Variants in SORL1 observed in about 807,000 individuals in gnomAD.
SORL1 encodes sortilin related receptor 1.
SORL1 carries 127 observed loss-of-function variants against 273.7 expected under a neutral mutation model. The observed-to-expected ratio is 0.46, with a 90% CI of 0.40 to 0.54. The LOEUF is 0.54. Among genes scored for constraint, SORL1 ranks in the 20% least tolerant of loss-of-function variants. SORL1 has a pLI of 0.00. For missense variants in SORL1, 2,494 were observed against 2,846.1 expected (o/e 0.88, Z 2.81); for synonymous variants, 1,031 against 1,067.4 (o/e 0.97, Z 0.66).
At chr11:121,621,356 C>T in intron 44 of SORL1, 118 bp downstream of exon 44, 2 of 880,962 alleles carry the variant, frequency 2.3e-6, no homozygotes, top group Non-Finnish European at 3.5e-6. Context: ...GCAAACGCTG[C>T]CCTTCAATAT....
At chr11:121,615,093 G>T in intron 41 of SORL1, 38 bp downstream of exon 41, 2 of 1,529,994 alleles carry the variant, frequency 1.3e-6, no homozygotes, top group Admixed American at 4.2e-5. Flanking sequence ...AGTGAGTGTG[G>T]ACTGTCCCCT....
At chr11:121,597,474 T>G (rs1293868986) in intron 32 of SORL1, among the ~76,000 whole-genome samples, 1 of 152,014 alleles carries the variant, frequency 6.6e-6, no homozygotes, top group Non-Finnish European at 1.5e-5. Flanking sequence ...TTTTTTTCTT[T>G]TGAGATGTCA....
intron 6 of SORL1, among the ~76,000 whole-genome samples, chr11:121,512,112 G>A (rs1301967999): frequency 6.6e-6 from 1 of 152,094 alleles, no homozygotes; most frequent in African/African-American, 2.4e-5. Flanking sequence ...TTGAGTGGTG[G>A]ACTTTCTTGA....
intron 2 of SORL1, among the ~76,000 whole-genome samples, chr11:121,473,202 G>T (rs1459636757): frequency 6.6e-6 from 1 of 152,190 alleles, no homozygotes; most frequent in Non-Finnish European, 1.5e-5. Context: ...GGTTTGTAAG[G>T]TCCCATCAGC....
intron 23 of SORL1, among the ~76,000 whole-genome samples, chr11:121,570,750 A>G (rs1862829575): frequency 6.6e-6 from 1 of 152,198 alleles, no homozygotes; most frequent in African/African-American, 2.4e-5. Context: ...TTGGTTAGTA[A>G]TGCATAGCTT....
Position 121,563,931 on chromosome 11 carries a change from G to A in SORL1, c.3050-3009G>A, listed in dbSNP as rs948575640. Among the ~76,000 whole-genome samples the A allele has an allele frequency of 3.3e-5, 5 of 152,170 alleles. No homozygotes were observed. Among genetic ancestry groups the A allele is most frequent in the Non-Finnish European group, 7.4e-5 (5 of 68,026 alleles). ...TATTATTTGAGGTAGATTTGATTTT[G>A]ATAATTGCCAAGTGTATAGATACTT... On this transcript the variant is annotated intron_variant, in intron 21 of 47. Transcript: ENST00000260197. This position sits in a 1 kb window ranked among gnomAD's most constrained non-coding sequence, Gnocchi z 4.2.
chr11:121,631,559 A>G lies in SORL1; in HGVS notation c.*1996A>G, dbSNP rs139075555. ...TGTATTTTCTTTTCTTTTTCTGCCA[A>G]CTTTTTGGTGGCATTTGTAAAAGCT... On this transcript the variant is annotated 3_prime_UTR_variant, in exon 48 of 48. Transcript: ENST00000260197. 1.1e-3 allele frequency: 172 copies of G among 152,214 alleles called. 3 individuals are homozygous for G. The highest frequency in any genetic ancestry group is 4.0e-3 in the African/African-American group (165 of 41,520). 9.4% of individuals were successfully genotyped at this position (152,214 alleles called of 1,614,324 possible). A position where few individuals can be genotyped will look rare whatever the true frequency, so the allele number is the denominator to read the frequency against.
chr11:121,604,329 G>A lies in SORL1; in HGVS notation c.4651+5G>A, dbSNP rs759445388. 47 of 1,613,006 alleles carry A rather than the reference G, an allele frequency of 2.9e-5. No individual in the cohort carries two copies. In the Middle Eastern group the frequency reaches 6.6e-4, roughly 23 times the overall value. ...GCGATGAAAAGGCCTGCAGTGGTGAGTGCCGGTCCACGGGCTGGGCTGGGC... is the reference window on the plus strand; with the variant it reads ...GCGATGAAAAGGCCTGCAGTGGTGAATGCCGGTCCACGGGCTGGGCTGGGC... On this transcript the variant is annotated splice_donor_5th_base_variant and intron_variant, in intron 33 of 47. Transcript: ENST00000260197.
chr11:121,516,871 G>A (rs748849600), intron 8 of SORL1, among the ~76,000 whole-genome samples: 1 of 152,100 alleles, frequency 6.6e-6, no homozygotes, highest in African/African-American at 2.4e-5. Context: ...GGCTAATGTG[G>A]TGAAAGCCCA....
At chr11:121,477,907 C>T (rs970860257) in intron 2 of SORL1, among the ~76,000 whole-genome samples, 31 of 152,146 alleles carry the variant, frequency 2.0e-4, no homozygotes, top group African/African-American at 7.0e-4. Context: ...TGGCAGGTGC[C>T]TGTAATCCCA....
chr11:121,494,326 G>A (rs949341319), intron 5 of SORL1, among the ~76,000 whole-genome samples: 2 of 152,178 alleles, frequency 1.3e-5, no homozygotes, highest in Non-Finnish European at 1.5e-5. Flanking sequence ...AAGTGAAAGC[G>A]TAATCTAGTC....
chr11:121,531,056 C>T (rs1010308926), intron 11 of SORL1, among the ~76,000 whole-genome samples: 1 of 152,004 alleles, frequency 6.6e-6, no homozygotes, highest in African/African-American at 2.4e-5. Context: ...ATTCATTTCA[C>T]GTGTATTTTT....
chr11:121,554,223 C>A lies in SORL1; in HGVS notation c.2439+114C>A. Reference sequence around the variant, plus strand: ...GGCAGTTAGAAGTTTGTAAGTGTTACTCATCTCAGGGCTGACAGGTGAAAG... The same window carrying A: ...GGCAGTTAGAAGTTTGTAAGTGTTAATCATCTCAGGGCTGACAGGTGAAAG... On this transcript the variant is annotated intron_variant, in intron 17 of 47. Transcript: ENST00000260197. This position sits in a 1 kb window ranked among gnomAD's most constrained non-coding sequence, Gnocchi z 4.6. 1.1e-6 allele frequency: 1 copy of A among 893,778 alleles called. No individual in the cohort carries two copies. Among genetic ancestry groups the A allele is most frequent in the Non-Finnish European group, 1.7e-6 (1 of 587,702 alleles). 55.4% of individuals were successfully genotyped at this position (893,778 alleles called of 1,614,324 possible). A position where few individuals can be genotyped will look rare whatever the true frequency, so the allele number is the denominator to read the frequency against.
chr11:121,453,226 G>A (rs1860838824), intron 1 of SORL1, among the ~76,000 whole-genome samples: 1 of 151,948 alleles, frequency 6.6e-6, no homozygotes, highest in Admixed American at 6.6e-5. Flanking sequence ...TCCCACCCCC[G>A]TCAAGATAAC....
At chr11:121,479,959 C>G (rs1388961534) in intron 3 of SORL1, among the ~76,000 whole-genome samples, 1 of 152,152 alleles carries the variant, frequency 6.6e-6, no homozygotes, top group Non-Finnish European at 1.5e-5. Flanking sequence ...GCCTTTGTGC[C>G]CCTTTGCCCC....
chr11:121,527,797 T>C (rs972042035), intron 11 of SORL1, among the ~76,000 whole-genome samples: 1 of 152,174 alleles, frequency 6.6e-6, no homozygotes, highest in Non-Finnish European at 1.5e-5. Context: ...ATCTTTTTAA[T>C]GTCTGTAGGA....
chr11:121,456,832 A>C (rs1430824989), intron 1 of SORL1, among the ~76,000 whole-genome samples: 1 of 152,216 alleles, frequency 6.6e-6, no homozygotes, highest in African/African-American at 2.4e-5. Flanking sequence ...TGTCTATTAC[A>C]GCACAAGGCC....
intron 1 of SORL1, among the ~76,000 whole-genome samples, chr11:121,454,686 G>A (rs2134760347): frequency 1.3e-5 from 2 of 152,318 alleles, no homozygotes; most frequent in South Asian, 4.1e-4. Flanking sequence ...AATCTGTAAG[G>A]ATTTGAGTCA....
In SORL1 at chr11:121,605,480, A is replaced by G. The variant is rs750472040; in HGVS notation, c.4857A>G (p.Pro1619=). 7 of 1,613,544 alleles carry G rather than the reference A, an allele frequency of 4.3e-6. No individual in the cohort carries two copies. The East Asian group carries it at 1.1e-4, about 26-fold the overall frequency. ...KTNTVLKVLK[P]DTTYQVKVQV... ...ACACTGTATTAAAAGTCTTGAAACC[A>G]GATACCACGTATCAGGTTAAAGTAC... The change falls in exon 35 of 48, where the codon CCA becomes CCG. Residue 1619 remains proline (P), a synonymous_variant. Coordinates refer to ENST00000260197, the MANE Select transcript of SORL1 (RefSeq NM_003105.6).
Sources: allele counts gnomAD v4.1 joint callset (sites outside exome capture counted in the v4.1 genomes callset), GRCh38; gene constraint gnomAD v4.1.1; non-coding constraint Gnocchi (gnomAD v3.1); transcripts MANE v1.5; gene names NCBI Gene and HGNC (gene_info 2026-07-23, HGNC 2026-07-21).